Variants in ADISSP observed in about 807,000 individuals in gnomAD.
The protein encoded by ADISSP is adipose secreted signaling protein.
chr20:3,755,268 G>A, the ADISSP span, among the ~76,000 whole-genome samples: 1 of 152,206 alleles, frequency 6.6e-6, no homozygotes, highest in East Asian at 1.9e-4. Flanking sequence ...GTACAGGGAA[G>A]TATGAGCTCA....
the ADISSP span, chr20:3,754,551 C>T: frequency 1.4e-5 from 23 of 1,596,470 alleles, no homozygotes; most frequent in Middle Eastern, 1.7e-4. Flanking sequence ...TGGTCAGCAC[C>T]TCCCCCAGCC....
At chr20:3,758,463 G>T in the ADISSP span, 3 of 1,440,692 alleles carry the variant, frequency 2.1e-6, no homozygotes, top group South Asian at 1.2e-5. This position sits in a 1 kb window ranked among gnomAD's most constrained non-coding sequence, Gnocchi z 5.5. Flanking sequence ...TGAGAGGAAC[G>T]GGGATAGGCA....
chr20:3,755,630 G>T, the ADISSP span: 1 of 1,577,424 alleles, frequency 6.3e-7, no homozygotes, highest in Non-Finnish European at 8.7e-7. Flanking sequence ...AGGTGAGGGA[G>T]GGAGGCACCT....
chr20:3,761,529 T>G, the ADISSP span, among the ~76,000 whole-genome samples: 1 of 152,106 alleles, frequency 6.6e-6, no homozygotes. Flanking sequence ...AGAGACAGGG[T>G]TTCACCATGT....
chr20:3,759,877 G>C, the ADISSP span: 1 of 769,160 alleles, frequency 1.3e-6, no homozygotes, highest in Non-Finnish European at 2.2e-6. The surrounding 1 kb of genome is among the most constrained non-coding windows in gnomAD (Gnocchi z 4.6). Flanking sequence ...GGCTCTGCAG[G>C]GGTCCTGCTA....
chr20:3,765,915 A>G, the ADISSP span, among the ~76,000 whole-genome samples: 1 of 152,106 alleles, frequency 6.6e-6, no homozygotes, highest in African/African-American at 2.4e-5. Context: ...ACCCTTCCCC[A>G]TGAGATGGAG....
the ADISSP span, chr20:3,755,452 TG>T: frequency 6.2e-7 from 1 of 1,602,626 alleles, no homozygotes. Context: ...CAGGCCCTGC[TG>T]GAGGAGGGGA....
the ADISSP span, among the ~76,000 whole-genome samples, chr20:3,757,488 G>A: frequency 6.6e-6 from 1 of 152,192 alleles, no homozygotes; most frequent in African/African-American, 2.4e-5. Flanking sequence ...AGACATGAGT[G>A]GATTTTGCAA....
the ADISSP span, among the ~76,000 whole-genome samples, chr20:3,766,105 C>G: frequency 9.6e-4 from 146 of 152,312 alleles, 1 homozygote; most frequent in African/African-American, 3.1e-3. Context: ...TTCCACCCTC[C>G]CTACCTCTTC....
chr20:3,755,506 C>T, the ADISSP span: 1 of 1,612,884 alleles, frequency 6.2e-7, no homozygotes, highest in Non-Finnish European at 8.5e-7. Context: ...GCTTGAGGTG[C>T]AGGCTGGGGA....
At chr20:3,758,696 G>A in the ADISSP span, 4 of 1,609,174 alleles carry the variant, frequency 2.5e-6, no homozygotes, top group Middle Eastern at 3.5e-4. The surrounding 1 kb of genome is among the most constrained non-coding windows in gnomAD (Gnocchi z 5.5). Context: ...GAGTGGGAGA[G>A]GGCTCTGAGG....
At chr20:3,756,439 G>C in the ADISSP span, among the ~76,000 whole-genome samples, 1 of 23,148 alleles carries the variant, frequency 4.3e-5, no homozygotes, top group African/African-American at 1.3e-4. Flanking sequence ...GGGCTGGTGG[G>C]GGTGCCACGC....
At chr20:3,761,000 CAAGCCCTCAA>C in the ADISSP span, among the ~76,000 whole-genome samples, 24 of 152,314 alleles carry the variant, frequency 1.6e-4, no homozygotes, top group South Asian at 1.5e-3. Context: ...CAAACAAACC[CAAGCCCTCAA>C]AAGCCCTCAT....
the ADISSP span, chr20:3,767,517 C>T: frequency 6.6e-6 from 1 of 152,636 alleles, no homozygotes; most frequent in Non-Finnish European, 1.5e-5. Context: ...CAGGCCCGGC[C>T]CCGACAGCGG....
the ADISSP span, chr20:3,755,719 G>T: frequency 1.2e-6 from 1 of 847,094 alleles, no homozygotes; most frequent in African/African-American, 1.7e-5. Context: ...TCCCCAGAGA[G>T]CCCAGAAAGC....
At chr20:3,755,459 G>A in the ADISSP span, 4 of 1,603,746 alleles carry the variant, frequency 2.5e-6, no homozygotes, top group Non-Finnish European at 3.4e-6. Flanking sequence ...TGCTGGAGGA[G>A]GGGACGCACC....
the ADISSP span, chr20:3,767,240 A>G: frequency 1.3e-5 from 2 of 151,994 alleles, no homozygotes; most frequent in Non-Finnish European, 2.9e-5. Flanking sequence ...CGGAGCCCGC[A>G]CTCCCAGACA....
the ADISSP span, among the ~76,000 whole-genome samples, chr20:3,757,207 G>C: frequency 1.3e-5 from 2 of 151,978 alleles, no homozygotes; most frequent in Admixed American, 1.3e-4. Flanking sequence ...AAAATTAGCT[G>C]AGAGTGGTGG....
At chr20:3,758,403 T>C in the ADISSP span, 1 of 733,096 alleles carries the variant, frequency 1.4e-6, no homozygotes, top group Non-Finnish European at 2.3e-6. This position sits in a 1 kb window ranked among gnomAD's most constrained non-coding sequence, Gnocchi z 5.5. Flanking sequence ...ATCTGACAGA[T>C]GGGGCAACCA....
Sources: gnomAD v4.1 joint callset for allele counts (sites outside exome capture counted in the v4.1 genomes callset) on GRCh38, gnomAD v4.1.1 for gene constraint, Gnocchi (gnomAD v3.1) non-coding constraint, MANE v1.5 for transcripts, NCBI Gene and HGNC (gene_info 2026-07-23, HGNC 2026-07-21) for gene names.